Variants in ADAMTS17 observed in about 807,000 individuals in gnomAD.
The protein encoded by ADAMTS17 is ADAM metallopeptidase with thrombospondin type 1 motif 17.
A neutral mutation model predicts 141.5 loss-of-function variants in ADAMTS17; 113 were observed. The ratio of observed to expected loss-of-function variants is 0.80; its 90% CI spans 0.69 to 0.93. The LOEUF (loss-of-function observed/expected upper bound fraction) is 0.93. ADAMTS17 is among the 40% of genes least tolerant of loss of function. The probability of loss-of-function intolerance (pLI) is 0.00; values close to 1 mark genes in which losing one functional copy is unlikely to be tolerated. For synonymous variants in ADAMTS17, 768 were observed against 630.6 expected, an observed-to-expected ratio of 1.22 and a Z score of -3.27; for missense variants, 1,659 against 1,517.9, an observed-to-expected ratio of 1.09 and a Z score of -1.54.
Position 100,011,094 on chromosome 15 carries a change from C to G in ADAMTS17, c.2592-13505G>C, listed in dbSNP as rs145343548. The stretch of plus-strand genomic sequence containing the variant: ...AACAGTGAGGACTACTGAGAAACCA[C>G]TTTCAGCCTTAAATCCTGTATAAAA... On this transcript the variant is annotated intron_variant, in intron 18 of 21. Coordinates refer to ENST00000268070, the MANE Select transcript of ADAMTS17 (RefSeq NM_139057.4). Among the ~76,000 whole-genome samples the G allele has an allele frequency of 3.4e-3, 521 of 151,616 alleles. 3 individuals are homozygous for G. The highest frequency in any genetic ancestry group is 0.012 in the African/African-American group (498 of 41,286).
At chr15:100,209,746 C>T (rs563730205) in intron 7 of ADAMTS17, among the ~76,000 whole-genome samples, 5 of 152,272 alleles carry the variant, frequency 3.3e-5, no homozygotes, top group Admixed American at 1.3e-4. Context: ...TCAGAATCAT[C>T]GCCAGCGTGG....
At chr15:100,025,578 A>AT (rs2061497537) in intron 18 of ADAMTS17, among the ~76,000 whole-genome samples, 2 of 151,418 alleles carry the variant, frequency 1.3e-5, no homozygotes, top group African/African-American at 2.4e-5. Flanking sequence ...CGCCCAGCTA[A>AT]TTTTTTTGTA....
chr15:100,095,141 A>G (rs1596406313), intron 15 of ADAMTS17, among the ~76,000 whole-genome samples: 1 of 152,112 alleles, frequency 6.6e-6, no homozygotes, highest in South Asian at 2.1e-4. Flanking sequence ...TTTCCCCCAA[A>G]CCAACCTGCT....
intron 12 of ADAMTS17, among the ~76,000 whole-genome samples, chr15:100,123,355 A>G (rs1439162533): frequency 1.3e-5 from 2 of 152,210 alleles, no homozygotes; most frequent in African/African-American, 4.8e-5. Flanking sequence ...AATAAAGAAC[A>G]GTTAATATAA....
chr15:100,098,744 C>T (rs1186961230), intron 14 of ADAMTS17, among the ~76,000 whole-genome samples: 9 of 152,174 alleles, frequency 5.9e-5, no homozygotes, highest in Admixed American at 5.2e-4. Context: ...TAGCAAACGC[C>T]GAGACCAAAT....
intron 4 of ADAMTS17, among the ~76,000 whole-genome samples, chr15:100,265,882 C>T (rs2043698035): frequency 6.6e-6 from 1 of 152,226 alleles, no homozygotes; most frequent in African/African-American, 2.4e-5. Flanking sequence ...CCCCAGCCCC[C>T]ACTGAATCAG....
chr15:100,253,682 T>C (rs1669301705), intron 7 of ADAMTS17, among the ~76,000 whole-genome samples: 1 of 152,018 alleles, frequency 6.6e-6, no homozygotes, highest in African/African-American at 2.4e-5. Context: ...GTGGAAGAGA[T>C]TGCATGTCTT....
chr15:100,165,233 A>G (rs931894982), intron 8 of ADAMTS17, among the ~76,000 whole-genome samples: 2 of 152,164 alleles, frequency 1.3e-5, no homozygotes, highest in South Asian at 2.1e-4. Context: ...TTAGGGAGTG[A>G]GCTGGTCTCA....
intron 15 of ADAMTS17, among the ~76,000 whole-genome samples, chr15:100,058,831 T>C (rs1419910406): frequency 6.6e-6 from 1 of 152,118 alleles, no homozygotes; most frequent in Non-Finnish European, 1.5e-5. Flanking sequence ...TCACTGGGTA[T>C]GGTCAAGGAA....
intron 3 of ADAMTS17, among the ~76,000 whole-genome samples, chr15:100,302,910 A>G (rs756673159): frequency 7.2e-5 from 11 of 152,066 alleles, no homozygotes; most frequent in African/African-American, 2.7e-4. Context: ...AAATGTGAGA[A>G]GAGAAACTGG....
chr15:100,211,755 T>C (rs920667395), intron 7 of ADAMTS17, among the ~76,000 whole-genome samples: 1 of 152,164 alleles, frequency 6.6e-6, no homozygotes, highest in Non-Finnish European at 1.5e-5. Flanking sequence ...ACAACCTACC[T>C]TGTCACCAGA....
At chr15:100,061,904 G>A (rs1394309000) in intron 15 of ADAMTS17, among the ~76,000 whole-genome samples, 2 of 152,256 alleles carry the variant, frequency 1.3e-5, no homozygotes, top group African/African-American at 4.8e-5. Context: ...GCATGGGTTG[G>A]GAAGGGGAAG....
chr15:100,052,299 AC>A (rs2032207825), intron 16 of ADAMTS17, among the ~76,000 whole-genome samples: 1 of 152,248 alleles, frequency 6.6e-6, no homozygotes, highest in Admixed American at 6.5e-5. Context: ...GATTCTGCAA[AC>A]AATGTGTACA....
At chr15:100,250,755 G>A (rs1353953826) in intron 7 of ADAMTS17, among the ~76,000 whole-genome samples, 1 of 152,130 alleles carries the variant, frequency 6.6e-6, no homozygotes, top group Non-Finnish European at 1.5e-5. Context: ...TCACTCTATC[G>A]GGTCCGTCCA....
intron 4 of ADAMTS17, among the ~76,000 whole-genome samples, chr15:100,275,223 T>C (rs1051158590): frequency 9.2e-5 from 14 of 152,120 alleles, no homozygotes; most frequent in African/African-American, 3.4e-4. Flanking sequence ...GGCTGCCTAG[T>C]GAAAGTCAGT....
At chr15:100,306,923 C>T (rs1010315806) in intron 3 of ADAMTS17, among the ~76,000 whole-genome samples, 3 of 152,208 alleles carry the variant, frequency 2.0e-5, no homozygotes, top group African/African-American at 4.8e-5. Flanking sequence ...ACAGCTTGAA[C>T]ATGACTTCCT....
chr15:100,323,135 A>G (rs967099806), intron 3 of ADAMTS17, among the ~76,000 whole-genome samples: 7 of 151,958 alleles, frequency 4.6e-5, no homozygotes, highest in African/African-American at 1.7e-4. Flanking sequence ...AAGATACCAA[A>G]AAAATTATAT....
chr15:100,206,297 G>T (rs117812627), intron 7 of ADAMTS17, among the ~76,000 whole-genome samples: 1 of 152,200 alleles, frequency 6.6e-6, no homozygotes, highest in Non-Finnish European at 1.5e-5. Flanking sequence ...GCACTGCACC[G>T]TCACCTGTGT....
At chr15:100,186,485 C>A (rs544268903) in intron 8 of ADAMTS17, among the ~76,000 whole-genome samples, 2 of 152,192 alleles carry the variant, frequency 1.3e-5, no homozygotes, top group Admixed American at 1.3e-4. Context: ...GCCGCATACC[C>A]TTTTCCCTCC....
Sources: allele counts gnomAD v4.1 joint callset (sites outside exome capture counted in the v4.1 genomes callset), GRCh38; gene constraint gnomAD v4.1.1; transcripts MANE v1.5; gene names NCBI Gene and HGNC (gene_info 2026-07-23, HGNC 2026-07-21).